The following CC2D2B variants were observed in gnomAD, a reference collection of about 807,000 sequenced individuals.
CC2D2B encodes protein CC2D2B.
A neutral mutation model predicts 161.2 loss-of-function variants in CC2D2B; 128 were observed. The ratio of observed to expected loss-of-function variants is 0.79; its 90% CI spans 0.69 to 0.92. CC2D2B has a LOEUF of 0.92. Ranked by LOEUF, CC2D2B falls within the 40% of genes least tolerant of loss-of-function variation. The pLI is 0.00. For missense variants in CC2D2B, 1,173 were observed against 1,375.1 expected (o/e 0.85, Z 2.32); for synonymous variants, 391 against 449.8 (o/e 0.87, Z 1.65).
At chr10:95,968,236 C>T (rs1425906323) in intron 14 of CC2D2B, among the ~76,000 whole-genome samples, 1 of 152,122 alleles carries the variant, frequency 6.6e-6, no homozygotes, top group Non-Finnish European at 1.5e-5. Flanking sequence ...GAGGACACAG[C>T]AAGCCTGTTG....
intron 25 of CC2D2B, among the ~76,000 whole-genome samples, chr10:96,008,519 A>G (rs1254005776): frequency 6.6e-6 from 1 of 152,116 alleles, no homozygotes; most frequent in Non-Finnish European, 1.5e-5. Context: ...ATGCCCACCA[A>G]TAATGTAGGA....
chr10:96,003,219 T>C (rs901459410), intron 24 of CC2D2B, among the ~76,000 whole-genome samples: 6 of 151,998 alleles, frequency 3.9e-5, no homozygotes, highest in Admixed American at 3.3e-4. Context: ...TGTTAAATGT[T>C]TGATGGAGAT....
At chr10:95,947,110 TATA>T (rs1268710793) in intron 9 of CC2D2B, among the ~76,000 whole-genome samples, 666 of 38,152 alleles carry the variant, frequency 0.017, 12 homozygotes, top group African/African-American at 0.087. Flanking sequence ...TATATATATA[TATA>T]TTTTTTTTTT....
At chr10:96,025,188 A>ATATAT (rs1564684307) in intron 33 of CC2D2B, among the ~76,000 whole-genome samples, 4 of 49,564 alleles carry the variant, frequency 8.1e-5, no homozygotes, top group South Asian at 7.5e-4. Context: ...TATATATAAA[A>ATATAT]AAAAATATAT....
In CC2D2B at chr10:95,992,642, C is replaced by T. The variant is rs914342398; in HGVS notation, c.2587C>T (p.Leu863Phe). ...QAISDGDIKI[L>F]VRIVRAYNIP... Reference sequence around the variant, plus strand: ...GATCTCTGACGGAGATATTAAGATTCTTGTCCGAATAGTGAGGGCCTATAA... The same window carrying T: ...GATCTCTGACGGAGATATTAAGATTTTTGTCCGAATAGTGAGGGCCTATAA... Residue 863 changes from leucine (L) to phenylalanine (F), a missense_variant, in exon 22 of 35, where the codon CTT becomes TTT. Physicochemically the swap from Leu to Phe is conservative, Grantham distance 22. Coordinates refer to ENST00000646931, the MANE Select transcript of CC2D2B (RefSeq NM_001349008.3). The T allele has an allele frequency of 5.7e-6, 7 of 1,234,098 alleles. 1 individual carries two copies. 76.4% of individuals were successfully genotyped at this position (1,234,098 alleles called of 1,614,324 possible).
chr10:95,981,423 A>T (rs1440248121), intron 17 of CC2D2B, among the ~76,000 whole-genome samples: 1 of 142,132 alleles, frequency 7.0e-6, no homozygotes, highest in Admixed American at 7.1e-5. Context: ...AAAAAAAAAG[A>T]TTATCTCATA....
Position 95,922,038 on chromosome 10 carries a change from T to C in CC2D2B, c.59T>C (p.Ile20Thr). ...FKKMSEEMDN[I>T]TAEEIIDKHL... ...CAGATGTCAGAAGAGATGGATAATA[T>C]TACAGCTGAAGAAATTATAGACAAG... The change falls in exon 3 of 35, where the codon ATT (isoleucine) becomes ACT (threonine). Residue 20 changes from isoleucine (I) to threonine (T), a missense_variant. Around this residue, in one of 3 missense-constraint regions of CC2D2B, gnomAD observed 298 missense variants for 261.2 expected, o/e 1.14. Coordinates refer to ENST00000646931, the MANE Select transcript of CC2D2B (RefSeq NM_001349008.3). 1 of 1,544,108 alleles carries C rather than the reference T, an allele frequency of 6.5e-7. No individual in the cohort carries two copies. Among genetic ancestry groups the C allele is most frequent in the Non-Finnish European group, 8.8e-7 (1 of 1,141,810 alleles).
intron 15 of CC2D2B, among the ~76,000 whole-genome samples, chr10:95,970,606 C>T (rs1406890989): frequency 6.6e-6 from 1 of 152,148 alleles, no homozygotes; most frequent in Admixed American, 6.5e-5. Flanking sequence ...CCTTGCTGTC[C>T]AGGGGCTGGC....
intron 34 of CC2D2B, among the ~76,000 whole-genome samples, chr10:96,029,448 GT>G (rs2079972119): frequency 6.6e-6 from 1 of 151,550 alleles, no homozygotes; most frequent in Admixed American, 6.6e-5. Flanking sequence ...CCAGTTATAT[GT>G]TTTATGATGT....
At chr10:95,985,471 A>G (rs2077680952) in intron 19 of CC2D2B, among the ~76,000 whole-genome samples, 1 of 152,174 alleles carries the variant, frequency 6.6e-6, no homozygotes, top group Non-Finnish European at 1.5e-5. Context: ...TGAAGATTTC[A>G]TGGACACTTA....
chr10:96,018,768 A>G (rs1370648321), intron 30 of CC2D2B: 1 of 151,382 alleles, frequency 6.6e-6, no homozygotes, highest in Non-Finnish European at 1.5e-5. Flanking sequence ...AGAAAATGTA[A>G]AAGCCCTCAA....
intron 2 of CC2D2B, among the ~76,000 whole-genome samples, chr10:95,915,719 T>C (rs1156431422): frequency 6.6e-6 from 1 of 152,230 alleles, no homozygotes; most frequent in Non-Finnish European, 1.5e-5. Context: ...GATTTGTGTA[T>C]GTTGAACCAC....
chr10:96,025,057 G>A (rs1011635936), intron 33 of CC2D2B, 146 bp downstream of exon 33: 7 of 373,586 alleles, frequency 1.9e-5, no homozygotes, highest in African/African-American at 1.1e-4. Flanking sequence ...ACCTATAATC[G>A]CAGTTCTCTG....
chr10:95,981,189 T>C (rs2077508283), intron 17 of CC2D2B, among the ~76,000 whole-genome samples: 1 of 152,044 alleles, frequency 6.6e-6, no homozygotes, highest in Non-Finnish European at 1.5e-5. Context: ...GTCAGGAGAT[T>C]GAAACCATCC....
At chr10:96,000,096 T>C in intron 24 of CC2D2B, 2 of 1,488,374 alleles carry the variant, frequency 1.3e-6, no homozygotes, top group South Asian at 1.2e-5. Context: ...TGGGCATTCC[T>C]TTTTAAACAA....
Position 95,924,409 on chromosome 10 carries a change from T to A in CC2D2B, c.174+19T>A, listed in dbSNP as rs1430638383. The A allele has an allele frequency of 2.9e-6, 4 of 1,368,632 alleles. No homozygotes were observed. In the African/African-American group the frequency reaches 5.9e-5, roughly 20 times the overall value. 84.8% of individuals were successfully genotyped at this position (1,368,632 alleles called of 1,614,324 possible). A position where few individuals can be genotyped will look rare whatever the true frequency, so the allele number is the denominator to read the frequency against. ...TTCTAAGGTAATGCTTTTTAAAATT[T>A]CCTGTTTTCAAATTTACTATTTAAA... On this transcript the variant is annotated intron_variant, in intron 4 of 34. Coordinates refer to ENST00000646931, the MANE Select transcript of CC2D2B (RefSeq NM_001349008.3).
intron 2 of CC2D2B, among the ~76,000 whole-genome samples, chr10:95,917,833 A>C (rs2098519433): frequency 6.6e-6 from 1 of 152,176 alleles, no homozygotes. Context: ...GCTGGAGTGC[A>C]GCAGCATGGT....
intron 2 of CC2D2B, among the ~76,000 whole-genome samples, chr10:95,915,659 TC>T (rs2098514808): frequency 6.6e-6 from 1 of 152,372 alleles, no homozygotes; most frequent in African/African-American, 2.4e-5. Flanking sequence ...ATTGAAATAA[TC>T]ATATGGTTTT....
At chr10:95,962,225 CAAG>C (rs1255969678) in intron 12 of CC2D2B, among the ~76,000 whole-genome samples, 1 of 151,994 alleles carries the variant, frequency 6.6e-6, no homozygotes, top group Non-Finnish European at 1.5e-5. Context: ...ACACTTCACT[CAAG>C]AATGTGTATG....
Sources: gnomAD v4.1 joint callset for allele counts (sites outside exome capture counted in the v4.1 genomes callset) on GRCh38, gnomAD v4.1.1 for gene constraint, gnomAD v4.1.1 regional missense constraint, MANE v1.5 for transcripts, NCBI Gene and HGNC (gene_info 2026-07-23, HGNC 2026-07-21) for gene names.